Variants in EFCAB13 observed in about 807,000 individuals in gnomAD.
EFCAB13 encodes the protein EF-hand calcium binding domain 13.
Under a neutral mutation model 110.2 loss-of-function variants are expected in EFCAB13, and 91 were observed. The ratio of observed to expected loss-of-function variants is 0.83; its 90% CI spans 0.70 to 0.98. The LOEUF is 0.98. Ranked by LOEUF, EFCAB13 falls within the 50% of genes least tolerant of loss-of-function variation. The pLI is 0.00. For missense variants in EFCAB13, 968 were observed against 1,119.4 expected (o/e 0.86, Z 1.93); for synonymous variants, 323 against 369.9 (o/e 0.87, Z 1.45).
chr17:47,419,918 C>T lies in EFCAB13; in HGVS notation c.2494+4999C>T, dbSNP rs1904577220. Among the ~76,000 whole-genome samples the T allele has an allele frequency of 6.0e-5, 9 of 150,810 alleles. No homozygotes were observed. The South Asian group carries it at 1.9e-3, about 32-fold the overall frequency. ...GATCTACATATAAGAAATGTCCCCT[C>T]TCCCTCTCCCTCTCCCTCTCCCTCC... On this transcript the variant is annotated intron_variant, in intron 23 of 24. Coordinates refer to ENST00000331493, the MANE Select transcript of EFCAB13 (RefSeq NM_152347.5).
intron 23 of EFCAB13, among the ~76,000 whole-genome samples, chr17:47,420,083 A>G (rs1443301676): frequency 1.3e-5 from 2 of 152,128 alleles, no homozygotes; most frequent in Admixed American, 6.5e-5. Flanking sequence ...AAGTGCCTGC[A>G]ATTGCAGGCG....
intron 14 of EFCAB13, among the ~76,000 whole-genome samples, chr17:47,387,681 A>G (rs2065684188): frequency 1.3e-5 from 2 of 152,140 alleles, no homozygotes; most frequent in South Asian, 4.1e-4. Flanking sequence ...TACTCTGTCC[A>G]TCTGAGGAGG....
intron 4 of EFCAB13, among the ~76,000 whole-genome samples, chr17:47,332,223 TTTG>T (rs1375220631): frequency 1.3e-5 from 2 of 152,088 alleles, no homozygotes; most frequent in African/African-American, 2.4e-5. Context: ...CTTGCCAGCA[TTTG>T]TTGTTGTCAG....
chr17:47,386,805 C>T (rs900469182), intron 14 of EFCAB13, among the ~76,000 whole-genome samples: 4 of 152,130 alleles, frequency 2.6e-5, no homozygotes, highest in Non-Finnish European at 5.9e-5. Context: ...TTGCAAAAAC[C>T]GTGGGGAAAG....
intron 9 of EFCAB13, 73 bp from the exon 10 acceptor site, chr17:47,361,305 T>C: frequency 7.0e-7 from 1 of 1,423,692 alleles, no homozygotes; most frequent in Non-Finnish European, 9.8e-7. Flanking sequence ...CTTAGTAGGC[T>C]ATTGACACAA....
intron 12 of EFCAB13, 149 bp from the exon 13 acceptor site, chr17:47,377,617 A>C: frequency 1.8e-6 from 1 of 548,440 alleles, no homozygotes; most frequent in Middle Eastern, 5.0e-4. Context: ...TAATATAAAC[A>C]GATATGGAGA....
chr17:47,326,717 G>A (rs1460204807), intron 3 of EFCAB13, among the ~76,000 whole-genome samples: 2 of 152,220 alleles, frequency 1.3e-5, no homozygotes, highest in Non-Finnish European at 2.9e-5. Flanking sequence ...ACTGGTTGGA[G>A]AAGATCTAGA....
At position 47,347,805 on chromosome 17, in the gene EFCAB13, C is replaced by A; in HGVS notation, c.518-3C>A. On this transcript the variant is annotated splice_region_variant and splice_polypyrimidine_tract_variant and intron_variant, in intron 8 of 24. Coordinates refer to ENST00000331493, the MANE Select transcript of EFCAB13 (RefSeq NM_152347.5). ...AACTAAATGTTTTGTTATGTGTGTG[C>A]AGCACTTCATAAAGCCTGTAAAATT... 6.8e-7 allele frequency: 1 copy of A among 1,469,994 alleles called. No homozygotes were observed. Among genetic ancestry groups the A allele is most frequent in the African/African-American group, 1.4e-5 (1 of 72,178 alleles). The allele number at this position is 1,469,994 out of a possible 1,614,324, so 91.1% of individuals were successfully genotyped here.
chr17:47,385,969 G>C (rs2065673350), intron 14 of EFCAB13, among the ~76,000 whole-genome samples: 1 of 152,186 alleles, frequency 6.6e-6, no homozygotes. Flanking sequence ...CTGCAGAACA[G>C]CAAAGATTGC....
chr17:47,370,743 T>TG (rs1447730110), intron 11 of EFCAB13, among the ~76,000 whole-genome samples: 1 of 138,352 alleles, frequency 7.2e-6, no homozygotes, highest in Non-Finnish European at 1.6e-5. Context: ...TGTTTGTTTT[T>TG]TTTTTTTTTT....
chr17:47,397,143 C>T (rs1479363451), intron 17 of EFCAB13, among the ~76,000 whole-genome samples: 4 of 151,540 alleles, frequency 2.6e-5, no homozygotes, highest in Non-Finnish European at 5.9e-5. Flanking sequence ...TGCCAAGTGC[C>T]TGCAATTGCA....
intron 12 of EFCAB13, among the ~76,000 whole-genome samples, chr17:47,375,726 A>T (rs548755056): frequency 6.6e-6 from 1 of 152,332 alleles, no homozygotes; most frequent in South Asian, 2.1e-4. Context: ...TGCAATCATT[A>T]ATATTTCCTA....
chr17:47,344,337 C>G, intron 7 of EFCAB13, 45 bp downstream of exon 7: 1 of 1,587,144 alleles, frequency 6.3e-7, no homozygotes, highest in Non-Finnish European at 8.6e-7. Flanking sequence ...TGGGTTCAGA[C>G]TTGGGTGTTT....
In EFCAB13 at chr17:47,394,100, G is replaced by C. The variant is rs767115909; in HGVS notation, c.1801+1G>C. On this transcript the variant is annotated splice_donor_variant, in intron 16 of 24. Coordinates refer to ENST00000331493, the MANE Select transcript of EFCAB13 (RefSeq NM_152347.5). LOFTEE classifies it high-confidence loss of function. The stretch of plus-strand genomic sequence containing the variant: ...ACGGAATGCTTCTCTGAAAAATTAG[G>C]TACGTAAGAATATCATGTCTTCTGC... 1.3e-6 allele frequency: 2 copies of C among 1,504,848 alleles called. No individual in the cohort carries two copies. The highest frequency in any genetic ancestry group is 2.8e-5 in the African/African-American group (2 of 70,532). The allele number at this position is 1,504,848 out of a possible 1,614,324, so 93.2% of individuals were successfully genotyped here.
chr17:47,437,870 A>T (rs1905241901), intron 24 of EFCAB13, among the ~76,000 whole-genome samples: 1 of 151,918 alleles, frequency 6.6e-6, no homozygotes, highest in Admixed American at 6.6e-5. Context: ...TTTTTGTTTT[A>T]TAGGTCCTGT....
chr17:47,375,053 A>C (rs1464003601), intron 12 of EFCAB13, 87 bp downstream of exon 12: 13 of 1,342,690 alleles, frequency 9.7e-6, no homozygotes, highest in Non-Finnish European at 1.3e-5. Flanking sequence ...TAAGCATTTC[A>C]ATTGTTAACA....
chr17:47,404,135 T>C, intron 19 of EFCAB13, 114 bp downstream of exon 19: 1 of 850,648 alleles, frequency 1.2e-6, no homozygotes, highest in Non-Finnish European at 1.7e-6. Flanking sequence ...AAACGGAGCC[T>C]TTCCTCTTAA....
At chr17:47,420,203 C>T (rs908424679) in intron 23 of EFCAB13, among the ~76,000 whole-genome samples, 5 of 152,258 alleles carry the variant, frequency 3.3e-5, no homozygotes, top group Non-Finnish European at 7.3e-5. Flanking sequence ...CCAGCCTCGG[C>T]CTCCCAAGGT....
At chr17:47,345,469 A>G (rs559324539) in intron 8 of EFCAB13, among the ~76,000 whole-genome samples, 45 of 152,228 alleles carry the variant, frequency 3.0e-4, no homozygotes, top group African/African-American at 1.1e-3. Flanking sequence ...TCACTCCTTC[A>G]TGACACTGAC....
Sources: gnomAD v4.1 joint callset for allele counts (sites outside exome capture counted in the v4.1 genomes callset) on GRCh38, gnomAD v4.1.1 for gene constraint, MANE v1.5 for transcripts, NCBI Gene and HGNC (gene_info 2026-07-23, HGNC 2026-07-21) for gene names.